Variants in SLC24A2 observed in about 807,000 individuals in gnomAD.
SLC24A2 encodes the protein sodium/potassium/calcium exchanger 2.
A neutral mutation model predicts 62.0 loss-of-function variants in SLC24A2; 36 were observed. The observed-to-expected ratio is 0.58, with a 90% CI of 0.44 to 0.77. The LOEUF is 0.77. Ranked by LOEUF, SLC24A2 falls within the 30% of genes least tolerant of loss-of-function variation. SLC24A2 has a pLI of 0.00. For synonymous variants in SLC24A2, 358 were observed against 294.0 expected (o/e 1.22, Z -2.23); for missense variants, 846 against 817.9 (o/e 1.03, Z -0.42).
the SLC24A2 span, among the ~76,000 whole-genome samples, chr9:19,978,137 G>T: frequency 6.6e-6 from 1 of 152,244 alleles, no homozygotes; most frequent in Non-Finnish European, 1.5e-5. Context: ...TCAACTAAAA[G>T]TCCAACGTGC....
At chr9:20,142,920 G>C in the SLC24A2 span, among the ~76,000 whole-genome samples, 1 of 152,112 alleles carries the variant, frequency 6.6e-6, no homozygotes, top group East Asian at 1.9e-4. Context: ...ACGACCTGAA[G>C]AAGGAAGGAG....
chr9:20,143,197 C>A, the SLC24A2 span, among the ~76,000 whole-genome samples: 1 of 151,996 alleles, frequency 6.6e-6, no homozygotes, highest in Non-Finnish European at 1.5e-5. Context: ...AAAGAGAGTG[C>A]CCAAGAAGAG....
the SLC24A2 span, among the ~76,000 whole-genome samples, chr9:19,798,957 C>T: frequency 2.0e-5 from 3 of 152,132 alleles, no homozygotes; most frequent in South Asian, 6.2e-4. Flanking sequence ...ATCCCCTTTC[C>T]ATCCTCTGTA....
the SLC24A2 span, among the ~76,000 whole-genome samples, chr9:19,949,908 C>A: frequency 6.6e-6 from 1 of 152,170 alleles, no homozygotes; most frequent in Non-Finnish European, 1.5e-5. Context: ...TCACGGAGTG[C>A]CTTGCTAATC....
chr9:19,567,504 C>T (rs2132827448), intron 7 of SLC24A2, among the ~76,000 whole-genome samples: 1 of 142,950 alleles, frequency 7.0e-6, no homozygotes, highest in Non-Finnish European at 1.5e-5. Context: ...CGAGATAGTG[C>T]CACTGCACTC....
the SLC24A2 span, among the ~76,000 whole-genome samples, chr9:19,876,243 C>A: frequency 6.6e-6 from 1 of 152,108 alleles, no homozygotes; most frequent in Non-Finnish European, 1.5e-5. Flanking sequence ...AATAATAAGA[C>A]ATCATTACAT....
At chr9:19,655,827 T>G (rs78907538) in intron 2 of SLC24A2, among the ~76,000 whole-genome samples, 2,096 of 152,272 alleles carry the variant, frequency 0.014, 65 homozygotes, top group East Asian at 0.13. Flanking sequence ...TGAGTTCATA[T>G]CTGGCTGGAC....
At chr9:20,277,834 C>G in the SLC24A2 span, among the ~76,000 whole-genome samples, 5,590 of 152,236 alleles carry the variant, frequency 0.037, 310 homozygotes, top group African/African-American at 0.13. Flanking sequence ...TTGGAACCAA[C>G]CCGAATGTCC....
chr9:19,869,172 G>A, the SLC24A2 span, among the ~76,000 whole-genome samples: 1 of 152,000 alleles, frequency 6.6e-6, no homozygotes, highest in African/African-American at 2.4e-5. Flanking sequence ...GTGGAGATGA[G>A]GTCTCCCTAT....
the SLC24A2 span, among the ~76,000 whole-genome samples, chr9:19,996,727 A>G: frequency 6.8e-6 from 1 of 148,110 alleles, no homozygotes; most frequent in Admixed American, 6.8e-5. Context: ...CCTGGGTGAC[A>G]AGAGTGAGAC....
chr9:19,971,609 T>G, the SLC24A2 span, among the ~76,000 whole-genome samples: 1 of 152,070 alleles, frequency 6.6e-6, no homozygotes, highest in Admixed American at 6.6e-5. Flanking sequence ...CCATTGTCAA[T>G]TGGATGATAT....
the SLC24A2 span, among the ~76,000 whole-genome samples, chr9:20,234,427 T>C: frequency 6.6e-6 from 1 of 152,244 alleles, no homozygotes; most frequent in South Asian, 2.1e-4. Flanking sequence ...TGTTTGTTTC[T>C]TTTTATTCTT....
the SLC24A2 span, among the ~76,000 whole-genome samples, chr9:20,107,389 C>T: frequency 6.6e-6 from 1 of 151,762 alleles, no homozygotes; most frequent in South Asian, 2.1e-4. Flanking sequence ...ATTGCCAAGT[C>T]AATCCTAAGC....
intron 5 of SLC24A2, among the ~76,000 whole-genome samples, chr9:19,585,023 G>C (rs1465641176): frequency 6.6e-6 from 1 of 152,068 alleles, no homozygotes; most frequent in Non-Finnish European, 1.5e-5. Flanking sequence ...AGTAATTTCT[G>C]TAATTAATGA....
chr9:20,277,144 C>T, the SLC24A2 span, among the ~76,000 whole-genome samples: 1 of 152,174 alleles, frequency 6.6e-6, no homozygotes, highest in Non-Finnish European at 1.5e-5. Flanking sequence ...TAGAAGAAAA[C>T]CTAGGCAATA....
the SLC24A2 span, among the ~76,000 whole-genome samples, chr9:20,020,486 C>T: frequency 1.3e-5 from 2 of 152,118 alleles, no homozygotes; most frequent in African/African-American, 4.8e-5. Flanking sequence ...AAACCAAACA[C>T]TGCATGTTCT....
At chr9:19,829,792 TG>T in the SLC24A2 span, among the ~76,000 whole-genome samples, 1 of 21,516 alleles carries the variant, frequency 4.6e-5, no homozygotes, top group Non-Finnish European at 2.6e-4. Context: ...TGTGTGTGTG[TG>T]TGTGTATATA....
chr9:19,828,580 A>G, the SLC24A2 span, among the ~76,000 whole-genome samples: 1 of 152,202 alleles, frequency 6.6e-6, no homozygotes, highest in Admixed American at 6.5e-5. Flanking sequence ...AGAGGGGTTC[A>G]TATCTAGGTT....
the SLC24A2 span, among the ~76,000 whole-genome samples, chr9:20,027,594 A>T: frequency 6.6e-6 from 1 of 152,212 alleles, no homozygotes; most frequent in African/African-American, 2.4e-5. Flanking sequence ...GAAATCTAAA[A>T]ATGTTGATCT....
Sources: gnomAD v4.1 joint callset for allele counts (sites outside exome capture counted in the v4.1 genomes callset) on GRCh38, gnomAD v4.1.1 for gene constraint, MANE v1.5 for transcripts, NCBI Gene and HGNC (gene_info 2026-07-23, HGNC 2026-07-21) for gene names.